The following PIWIL2 variants were observed in gnomAD, a reference collection of about 807,000 sequenced individuals.
The protein encoded by PIWIL2 is piwi-like protein 2.
In PIWIL2, 81 loss-of-function variants were observed where a neutral mutation model predicts 116.5. The ratio of observed to expected loss-of-function variants is 0.70; its 90% CI spans 0.58 to 0.84. The LOEUF (loss-of-function observed/expected upper bound fraction) is 0.84, where lower values mean the gene tolerates loss of function less well. Among genes scored for constraint, PIWIL2 ranks in the 40% least tolerant of loss-of-function variants. PIWIL2 has a pLI of 0.00. For missense variants in PIWIL2, 1,272 were observed against 1,212.3 expected, an observed-to-expected ratio of 1.05 and a Z score of -0.73; for synonymous variants, 489 against 429.5, an observed-to-expected ratio of 1.14 and a Z score of -1.71.
chr8:22,295,188 G>C (rs1294467842), intron 10 of PIWIL2, among the ~76,000 whole-genome samples: 1 of 151,852 alleles, frequency 6.6e-6, no homozygotes, highest in Non-Finnish European at 1.5e-5. Context: ...TTCGAGACAA[G>C]GTCTCATTTC....
chr8:22,291,497 TAA>T (rs1184544175), intron 10 of PIWIL2, among the ~76,000 whole-genome samples: 8 of 152,192 alleles, frequency 5.3e-5, no homozygotes, highest in South Asian at 4.1e-4. Flanking sequence ...ATCTTACACA[TAA>T]GTCTGTACAT....
At chr8:22,290,433 T>A (rs1830733277) in intron 10 of PIWIL2, 87 bp downstream of exon 10, 1 of 712,414 alleles carries the variant, frequency 1.4e-6, no homozygotes, top group African/African-American at 1.7e-5. Flanking sequence ...CATTAGACAT[T>A]GTTCTGTTTG....
chr8:22,302,230 A>G (rs957176877), intron 10 of PIWIL2, among the ~76,000 whole-genome samples: 1 of 151,782 alleles, frequency 6.6e-6, no homozygotes, highest in African/African-American at 2.4e-5. Context: ...TCACCAGGCT[A>G]AAGTGCAGTG....
At chr8:22,284,740 C>A (rs909738410) in intron 6 of PIWIL2, among the ~76,000 whole-genome samples, 3 of 149,984 alleles carry the variant, frequency 2.0e-5, no homozygotes, top group African/African-American at 7.4e-5. Flanking sequence ...TAGTGACAGT[C>A]TAGGGTTAAA....
Position 22,326,576 on chromosome 8 carries a change from A to G in PIWIL2, c.2403+8301A>G, listed in dbSNP as rs1216990467. ...CTACTGATTTGTCTATTTTGCCTAT[A>G]TTGTAGAGTAATTTTAAAATGTGTG... is the stretch of plus-strand genomic sequence containing the variant. On this transcript the variant is annotated intron_variant, in intron 20 of 22. Coordinates refer to ENST00000356766, the MANE Select transcript of PIWIL2 (RefSeq NM_018068.5). Among the ~76,000 whole-genome samples, 11 of 152,264 alleles carry G rather than the reference A, an allele frequency of 7.2e-5. No individual in the cohort carries two copies. The East Asian group carries it at 1.9e-3, about 27-fold the overall frequency.
intron 15 of PIWIL2, 25 bp downstream of exon 15, chr8:22,310,099 G>A: frequency 8.2e-7 from 1 of 1,220,310 alleles, no homozygotes; most frequent in Non-Finnish European, 1.2e-6. Context: ...AAGTGATAAA[G>A]AGAGGACCAG....
At chr8:22,344,145 A>C (rs536797718) in intron 20 of PIWIL2, among the ~76,000 whole-genome samples, 2 of 152,348 alleles carry the variant, frequency 1.3e-5, no homozygotes, top group South Asian at 4.1e-4. Context: ...ATATGATTCT[A>C]ACTGTATGAT....
Position 22,337,117 on chromosome 8 carries a change from A to G in PIWIL2, c.2404-15842A>G, listed in dbSNP as rs377391474. Among the ~76,000 whole-genome samples the G allele has an allele frequency of 2.6e-5, 4 of 152,292 alleles. No homozygotes were observed. In the East Asian group the frequency reaches 5.8e-4, roughly 22 times the overall value. ...TACAAACTTCCCCCAAAATAGGAGG[A>G]ACACTTCCCTCCTTATACTATGAAG... On this transcript the variant is annotated intron_variant, in intron 20 of 22. Transcript: ENST00000356766.
At chr8:22,278,624 T>A (rs1034869973) in intron 1 of PIWIL2, among the ~76,000 whole-genome samples, 5 of 152,210 alleles carry the variant, frequency 3.3e-5, no homozygotes. Context: ...CACGGGCCTC[T>A]AAGGCAGGGG....
chr8:22,289,906 C>T lies in PIWIL2; in HGVS notation c.1046C>T (p.Ala349Val), dbSNP rs1490065616. The change falls in exon 9 of 23, where the codon GCT (alanine) becomes GTT (valine). Residue 349 changes from alanine (A) to valine (V), a missense_variant. Ala to Val is a moderately conservative substitution (Grantham distance 64). Coordinates refer to ENST00000356766, the MANE Select transcript of PIWIL2 (RefSeq NM_018068.5). Reference protein sequence around the residue: ...VGRNFYDPTSAMVLQQHRLQI... With the variant: ...VGRNFYDPTSVMVLQQHRLQI... ...AGAAACTTTTATGACCCTACAAGTG[C>T]TATGGTACTACAGCAACACAGGTTG... 1.2e-6 allele frequency: 2 copies of T among 1,609,416 alleles called. No individual in the cohort carries two copies. Among genetic ancestry groups the T allele is most frequent in the Admixed American group, 3.3e-5 (2 of 60,000 alleles).
chr8:22,298,241 A>C (rs889566379), intron 10 of PIWIL2, among the ~76,000 whole-genome samples: 5 of 152,060 alleles, frequency 3.3e-5, no homozygotes, highest in Admixed American at 3.3e-4. Flanking sequence ...CAGCCTGGCC[A>C]ATGGAGTGAG....
chr8:22,325,481 C>CCT, intron 20 of PIWIL2, among the ~76,000 whole-genome samples: 1 of 95,040 alleles, frequency 1.1e-5, no homozygotes, highest in South Asian at 4.1e-4. Context: ...TTGATTTAGT[C>CCT]TTTTTTTTTT....
chr8:22,289,918 A>G lies in PIWIL2; in HGVS notation c.1058A>G (p.Gln353Arg), dbSNP rs781576328. The change falls in exon 9 of 23, where the codon CAG (glutamine) becomes CGG (arginine). Residue 353 changes from glutamine (Q) to arginine (R), a missense_variant. Coordinates refer to ENST00000356766, the MANE Select transcript of PIWIL2 (RefSeq NM_018068.5). ...FYDPTSAMVL[Q>R]QHRLQIWPGY... is the part of the protein sequence containing the mutation. The stretch of plus-strand genomic sequence containing the variant: ...GACCCTACAAGTGCTATGGTACTAC[A>G]GCAACACAGGTTGGTACTTTTTTCC... The G allele has an allele frequency of 1.2e-6, 2 of 1,606,040 alleles. No individual in the cohort carries two copies. The highest frequency in any genetic ancestry group is 1.7e-5 in the Admixed American group (1 of 59,950).
rs995901707 is a variant in PIWIL2, at chr8:22,356,750, A to C, written c.*1245A>C. The C allele has an allele frequency of 3.3e-5, 5 of 152,326 alleles. No homozygotes were observed. Among genetic ancestry groups the C allele is most frequent in the Admixed American group, 1.3e-4 (2 of 15,292 alleles). The allele number at this position is 152,326 out of a possible 1,614,324, so 9.4% of individuals were successfully genotyped here. ...TCTGAATCCAGGTTAAGATTTCCAG[A>C]AGTCAGCTTTGGAAAACGTGACACT... On this transcript the variant is annotated 3_prime_UTR_variant, in exon 23 of 23. Transcript: ENST00000356766.
intron 6 of PIWIL2, among the ~76,000 whole-genome samples, chr8:22,285,421 A>G (rs1370791235): frequency 2.0e-5 from 3 of 152,152 alleles, no homozygotes; most frequent in African/African-American, 7.2e-5. Context: ...TTTAAAGGCT[A>G]TATAGTATTC....
chr8:22,318,112 C>A lies in PIWIL2; in HGVS notation c.2298-58C>A, dbSNP rs368012439. The A allele has an allele frequency of 1.1e-4, 114 of 1,055,216 alleles. No homozygotes were observed. In the African/African-American group the frequency reaches 1.3e-3, roughly 12 times the overall value. The allele number at this position is 1,055,216 out of a possible 1,614,324, so 65.4% of individuals were successfully genotyped here. A position where few individuals can be genotyped will look rare whatever the true frequency, so the allele number is the denominator to read the frequency against. ...GTTACTGACATAAGCCATAGGCTGTCCCCTTCGAGCATTTGTTCATCTTCC... is the reference window on the plus strand; with the variant it reads ...GTTACTGACATAAGCCATAGGCTGTACCCTTCGAGCATTTGTTCATCTTCC... On this transcript the variant is annotated intron_variant, in intron 19 of 22. Coordinates refer to ENST00000356766, the MANE Select transcript of PIWIL2 (RefSeq NM_018068.5).
chr8:22,347,198 C>T (rs1217641211), intron 20 of PIWIL2, among the ~76,000 whole-genome samples: 19 of 147,254 alleles, frequency 1.3e-4, no homozygotes, highest in Non-Finnish European at 1.6e-4. Flanking sequence ...GTAGCAAATT[C>T]AGCACATTAA....
intron 17 of PIWIL2, 31 bp from the exon 18 acceptor site, chr8:22,314,996 TTC>T (rs1197843716): frequency 8.3e-7 from 1 of 1,208,578 alleles, no homozygotes; most frequent in Admixed American, 1.7e-5. Flanking sequence ...AGTGACCTGC[TTC>T]TCCTGACACC....
At chr8:22,340,902 A>T (rs953238121) in intron 20 of PIWIL2, among the ~76,000 whole-genome samples, 1 of 152,052 alleles carries the variant, frequency 6.6e-6, no homozygotes, top group Non-Finnish European at 1.5e-5. Flanking sequence ...TTGTAAAGAC[A>T]GGGTCTCACA....
Sources: allele counts gnomAD v4.1 joint callset (sites outside exome capture counted in the v4.1 genomes callset), GRCh38; gene constraint gnomAD v4.1.1; transcripts MANE v1.5; gene names NCBI Gene and HGNC (gene_info 2026-07-23, HGNC 2026-07-21).